Variants in C10orf67 observed in about 807,000 individuals in gnomAD.
C10orf67 encodes uncharacterized protein C10orf67, mitochondrial.
A neutral mutation model predicts 35.6 loss-of-function variants in C10orf67; 60 were observed. The ratio of observed to expected loss-of-function variants is 1.68; its 90% CI spans 1.37 to 2.09. The LOEUF (loss-of-function observed/expected upper bound fraction) is 2.09. Among genes scored for constraint, C10orf67 ranks in the 30% most tolerant of loss-of-function variants. C10orf67 has a pLI of 0.00. For synonymous variants in C10orf67, 167 were observed against 115.8 expected, an observed-to-expected ratio of 1.44 and a Z score of -2.84; for missense variants, 474 against 330.2, an observed-to-expected ratio of 1.44 and a Z score of -3.38.
intron 8 of C10orf67, among the ~76,000 whole-genome samples, chr10:23,281,518 G>C (rs974450844): frequency 2.6e-5 from 4 of 151,948 alleles, no homozygotes; most frequent in Non-Finnish European, 4.4e-5. Context: ...TGCTGTGGCG[G>C]GGCTGGGGGC....
rs187915156 is a variant in C10orf67, at chr10:23,252,578, G to A, written c.1201-1887C>T. 7.9e-4 allele frequency among the ~76,000 whole-genome samples: 121 copies of A among 152,302 alleles called. 2 individuals are homozygous for A. The highest frequency in any genetic ancestry group is 3.1e-3 in the Admixed American group (48 of 15,300). The stretch of plus-strand genomic sequence containing the variant: ...GAGCTAAAGTAGAGAAGGCAGACTT[G>A]AGAGAAATTACAAAAGAGGTGAAAT... On this transcript the variant is annotated intron_variant, in intron 10 of 15. Transcript: ENST00000636213.
At chr10:23,278,841 C>T (rs1473029677) in intron 8 of C10orf67, among the ~76,000 whole-genome samples, 2 of 152,206 alleles carry the variant, frequency 1.3e-5, no homozygotes, top group Non-Finnish European at 2.9e-5. Context: ...CTGCTGATTT[C>T]AGGTAGGGTA....
intron 5 of C10orf67, among the ~76,000 whole-genome samples, chr10:23,295,456 A>G (rs545077303): frequency 3.9e-5 from 6 of 152,352 alleles, no homozygotes; most frequent in African/African-American, 9.6e-5. Flanking sequence ...GGTACATTTT[A>G]TGGAACATAA....
At chr10:23,290,278 T>C (rs1332084691) in intron 6 of C10orf67, among the ~76,000 whole-genome samples, 3 of 152,238 alleles carry the variant, frequency 2.0e-5, no homozygotes, top group Non-Finnish European at 4.4e-5. Flanking sequence ...TGGCAGTTTA[T>C]GACTTAATAA....
chr10:23,285,313 TA>T (rs958932950), intron 7 of C10orf67, among the ~76,000 whole-genome samples: 74 of 145,482 alleles, frequency 5.1e-4, no homozygotes, highest in Middle Eastern at 3.6e-3. Flanking sequence ...AAGACAGAAT[TA>T]AAAAAAAAAA....
At position 23,225,571 on chromosome 10, in the gene C10orf67, T is replaced by C. The variant is rs11013335; in HGVS notation, c.1435-1753A>G. ...AATGCTCCAATTAAAAGACACAGACTGGCAAATTGGAAAAAGAGTCAAGAC... is the reference window on the plus strand; with the variant it reads ...AATGCTCCAATTAAAAGACACAGACCGGCAAATTGGAAAAAGAGTCAAGAC... On this transcript the variant is annotated intron_variant, in intron 13 of 15. Transcript: ENST00000636213. Among the ~76,000 whole-genome samples, 1,028 of 152,164 alleles carry C rather than the reference T, an allele frequency of 6.8e-3. 13 individuals carry two copies. Among genetic ancestry groups the C allele is most frequent in the African/African-American group, 0.024 (978 of 41,512 alleles).
rs1843707736 is a variant in C10orf67, at chr10:23,291,120, T to C, written c.850+12A>G. ...ATACAGATTTTTCTCAAAAGTGATT[T>C]CAAAATGTTACCTAATCCTGAATTT... On this transcript the variant is annotated intron_variant, in intron 6 of 15. Coordinates refer to ENST00000636213, the MANE Select transcript of C10orf67 (RefSeq NM_001371909.1). 4 of 699,188 alleles carry C rather than the reference T, an allele frequency of 5.7e-6. No homozygotes were observed. Among genetic ancestry groups the C allele is most frequent in the Non-Finnish European group, 1.1e-5 (4 of 379,666 alleles). 43.3% of individuals were successfully genotyped at this position (699,188 alleles called of 1,614,324 possible). A position where few individuals can be genotyped will look rare whatever the true frequency, so the allele number is the denominator to read the frequency against.
chr10:23,217,274 G>A (rs1386245407), intron 15 of C10orf67, among the ~76,000 whole-genome samples: 2 of 151,984 alleles, frequency 1.3e-5, no homozygotes, highest in African/African-American at 2.4e-5. Context: ...TTCTGATCTC[G>A]GTTTATTCCC....
chr10:23,306,859 A>G (rs997755474), intron 4 of C10orf67, among the ~76,000 whole-genome samples: 7 of 152,214 alleles, frequency 4.6e-5, no homozygotes, highest in African/African-American at 1.7e-4. Context: ...TACAATTTAT[A>G]TTTGTCAATT....
chr10:23,206,610 A>G (rs1182393251), intron 15 of C10orf67, among the ~76,000 whole-genome samples: 2 of 152,206 alleles, frequency 1.3e-5, no homozygotes, highest in Non-Finnish European at 1.5e-5. Context: ...AGTTACCATG[A>G]ATAAAGATTG....
chr10:23,204,595 T>TA (rs1035034623), intron 15 of C10orf67, among the ~76,000 whole-genome samples: 12 of 152,142 alleles, frequency 7.9e-5, no homozygotes, highest in Non-Finnish European at 1.8e-4. Flanking sequence ...TGTAGCAGAA[T>TA]AAAAAAAGTG....
chr10:23,208,630 A>G (rs4748845), intron 15 of C10orf67, among the ~76,000 whole-genome samples: 22,560 of 152,100 alleles, frequency 0.15, 3,161 homozygotes, highest in East Asian at 0.68. Context: ...GCCTTTGCTT[A>G]GGTTTTCATA....
intron 6 of C10orf67, among the ~76,000 whole-genome samples, chr10:23,290,785 T>G (rs1437529470): frequency 6.6e-6 from 1 of 152,222 alleles, no homozygotes; most frequent in Non-Finnish European, 1.5e-5. Flanking sequence ...GTTATCAAGT[T>G]TAGATAATCA....
At chr10:23,251,680 C>T (rs1198742702) in intron 10 of C10orf67, among the ~76,000 whole-genome samples, 2 of 152,100 alleles carry the variant, frequency 1.3e-5, no homozygotes, top group African/African-American at 2.4e-5. Flanking sequence ...GCATAGCCAG[C>T]ATCAATATAA....
At position 23,266,189 on chromosome 10, in the gene C10orf67, G is replaced by A. The variant is rs1471579611; in HGVS notation, c.1200+73C>T. ...GTGTGCTTAGACTGCAGGCCTCATG[G>A]ATAGGGCTAAAGAGACAGGAGTCCC... On this transcript the variant is annotated intron_variant, in intron 10 of 15. Coordinates refer to ENST00000636213, the MANE Select transcript of C10orf67 (RefSeq NM_001371909.1). 4 of 397,664 alleles carry A rather than the reference G, an allele frequency of 1.0e-5. No homozygotes were observed. The East Asian group carries it at 1.4e-4, about 14-fold the overall frequency. 24.6% of individuals were successfully genotyped at this position (397,664 alleles called of 1,614,324 possible). A position where few individuals can be genotyped will look rare whatever the true frequency, so the allele number is the denominator to read the frequency against.
At chr10:23,305,376 G>T (rs895830773) in intron 4 of C10orf67, among the ~76,000 whole-genome samples, 1 of 152,196 alleles carries the variant, frequency 6.6e-6, no homozygotes, top group Non-Finnish European at 1.5e-5. Flanking sequence ...GGTGGCTTGT[G>T]TCTATAATCC....
intron 8 of C10orf67, among the ~76,000 whole-genome samples, chr10:23,273,026 T>C (rs1009821989): frequency 6.6e-6 from 1 of 152,260 alleles, no homozygotes; most frequent in African/African-American, 2.4e-5. Flanking sequence ...GATTTTTGTA[T>C]CTTGATCTTT....
chr10:23,299,160 T>C (rs527947445), intron 5 of C10orf67, among the ~76,000 whole-genome samples: 1 of 152,150 alleles, frequency 6.6e-6, no homozygotes, highest in Non-Finnish European at 1.5e-5. Flanking sequence ...AACAGACTCA[T>C]TGATAATCCT....
chr10:23,210,540 T>A (rs1588573555), intron 15 of C10orf67, among the ~76,000 whole-genome samples: 2 of 152,114 alleles, frequency 1.3e-5, no homozygotes, highest in African/African-American at 4.8e-5. Flanking sequence ...CCACCTCAGC[T>A]TCCCAAGTAG....
Sources: allele counts gnomAD v4.1 joint callset (sites outside exome capture counted in the v4.1 genomes callset), GRCh38; gene constraint gnomAD v4.1.1; transcripts MANE v1.5; gene names NCBI Gene and HGNC (gene_info 2026-07-23, HGNC 2026-07-21).